The following NUBP1 variants were observed in gnomAD, a reference collection of about 807,000 sequenced individuals.
NUBP1 encodes the protein cytosolic Fe-S cluster assembly factor NUBP1.
Under a neutral mutation model 41.8 loss-of-function variants are expected in NUBP1, and 46 were observed. That is an observed-to-expected ratio of 1.10 (90% CI 0.87 to 1.41). The LOEUF is 1.41. Among genes scored for constraint, NUBP1 ranks in the 40% most tolerant of loss-of-function variants. NUBP1 has a pLI of 0.00. For missense variants in NUBP1, 494 were observed against 414.0 expected, an observed-to-expected ratio of 1.19 and a Z score of -1.68; for synonymous variants, 189 against 154.6, an observed-to-expected ratio of 1.22 and a Z score of -1.65.
Position 10,767,021 on chromosome 16 carries a change from T to C in NUBP1, c.821-928T>C, listed in dbSNP as rs1031404820. ...TTCTTCCCCGACTTGGACTTCCCTG[T>C]CCCACAGGGCGACACAGTAGTGAAG... On this transcript the variant is annotated intron_variant, in intron 9 of 10. Transcript: ENST00000283027. The surrounding 1 kb of genome is among the most constrained non-coding windows in gnomAD (Gnocchi z 4.6). 16 of 398,602 alleles carry C rather than the reference T, an allele frequency of 4.0e-5. No individual in the cohort carries two copies. Among genetic ancestry groups the C allele is most frequent in the Non-Finnish European group, 7.1e-5 (16 of 226,186 alleles). The allele number at this position is 398,602 out of a possible 1,614,324, so 24.7% of individuals were successfully genotyped here.
intron 5 of NUBP1, 29 bp from the exon 6 acceptor site, chr16:10,756,661 G>T (rs1384912738): frequency 1.3e-6 from 2 of 1,503,856 alleles, no homozygotes; most frequent in East Asian, 5.3e-5. Flanking sequence ...AGTAAAGCGT[G>T]TCTTGCCCTC....
At position 10,747,263 on chromosome 16, in the gene NUBP1, A is replaced by G. The variant is rs755859158; in HGVS notation, c.245A>G (p.Asp82Gly). ...SAHLAHGLAEDENTQIALLDI... is the reference protein window; with the variant it reads ...SAHLAHGLAEGENTQIALLDI... Reference sequence around the variant, plus strand: ...CACCTTGCCCATGGCCTAGCAGAGGATGAAAACACACAGGTGAGACCTCAG... The same window carrying G: ...CACCTTGCCCATGGCCTAGCAGAGGGTGAAAACACACAGGTGAGACCTCAG... Residue 82 changes from aspartate to glycine, a missense_variant, in exon 3 of 11, where the codon GAT (aspartate) becomes GGT (glycine). Coordinates refer to ENST00000283027, the MANE Select transcript of NUBP1 (RefSeq NM_002484.4). 6.2e-7 allele frequency: 1 copy of G among 1,613,812 alleles called. No individual in the cohort carries two copies. The highest frequency in any genetic ancestry group is 1.7e-5 in the Admixed American group (1 of 60,012).
rs867094906 is a variant in NUBP1, at chr16:10,759,776, A to G, written c.607-1588A>G. On this transcript the variant is annotated intron_variant, in intron 7 of 10. Transcript: ENST00000283027. The surrounding 1 kb of genome is among the most constrained non-coding windows in gnomAD (Gnocchi z 4.7). ...GGGCGACAGAGCAAGACTCTGTCTC[A>G]AAAAAAGAAAGAAAGAAATGAGAGA... Among the ~76,000 whole-genome samples the G allele has an allele frequency of 7.9e-5, 12 of 152,296 alleles. No individual in the cohort carries two copies. The highest frequency in any genetic ancestry group is 2.6e-4 in the Admixed American group (4 of 15,306).
rs2031165713 is a variant in NUBP1 at position 10,768,063 on chromosome 16, T to A, written c.904+31T>A. ...TATTTCCATGAGTACTAAATGCAGA[T>A]GCCTGTGGGGCAGGAAGCAACATAA... On this transcript the variant is annotated intron_variant, in intron 10 of 10. Transcript: ENST00000283027. This position sits in a 1 kb window ranked among gnomAD's most constrained non-coding sequence, Gnocchi z 4.3. 1 of 1,600,688 alleles carries A rather than the reference T, an allele frequency of 6.2e-7. No individual in the cohort carries two copies. Among genetic ancestry groups the A allele is most frequent in the Non-Finnish European group, 8.6e-7 (1 of 1,168,364 alleles).
intron 3 of NUBP1, 92 bp downstream of exon 3, chr16:10,747,368 T>A: frequency 6.5e-7 from 1 of 1,527,928 alleles, no homozygotes; most frequent in Non-Finnish European, 8.9e-7. Context: ...GCGCAGTGGT[T>A]CATGCCTGTA....
At chr16:10,758,131 G>C in intron 7 of NUBP1, 104 bp downstream of exon 7, 10 of 1,347,960 alleles carry the variant, frequency 7.4e-6, no homozygotes, top group Non-Finnish European at 1.0e-5. Flanking sequence ...GCTCTTCCCA[G>C]TGTGTGTTCC....
rs773516828 is a variant in NUBP1, at chr16:10,756,790, T to C, written c.451+10T>C. 2 of 1,590,516 alleles carry C rather than the reference T, an allele frequency of 1.3e-6. No homozygotes were observed. Among genetic ancestry groups the C allele is most frequent in the Non-Finnish European group, 1.7e-6 (2 of 1,170,768 alleles). ...GGACCCAAGAAAAACGGTTTGCCACTCTGCCTTTTTTTGTCTCTCACATTC... is the reference window on the plus strand; with the variant it reads ...GGACCCAAGAAAAACGGTTTGCCACCCTGCCTTTTTTTGTCTCTCACATTC... On this transcript the variant is annotated intron_variant, in intron 6 of 10. Coordinates refer to ENST00000283027, the MANE Select transcript of NUBP1 (RefSeq NM_002484.4).
rs370311145 is a variant in NUBP1 at position 10,754,182 on chromosome 16, C to T, written c.327+1504C>T. Among the ~76,000 whole-genome samples the T allele has an allele frequency of 3.9e-5, 6 of 152,056 alleles. No individual in the cohort carries two copies. The East Asian group carries it at 1.2e-3, about 29-fold the overall frequency. On this transcript the variant is annotated intron_variant, in intron 4 of 10. Transcript: ENST00000283027. ...TTTTAAGACAAATGGACTTAGCAAACGAGTGTAAATAGGAATGAATGGTTT... is the reference window on the plus strand; with the variant it reads ...TTTTAAGACAAATGGACTTAGCAAATGAGTGTAAATAGGAATGAATGGTTT...
At position 10,767,936 on chromosome 16, in the gene NUBP1, T is replaced by C. The variant is rs910554548; in HGVS notation, c.821-13T>C. 6.2e-6 allele frequency: 10 copies of C among 1,613,792 alleles called. No individual in the cohort carries two copies. Among genetic ancestry groups the C allele is most frequent in the Non-Finnish European group, 7.6e-6 (9 of 1,179,774 alleles). On this transcript the variant is annotated splice_polypyrimidine_tract_variant and intron_variant, in intron 9 of 10. Transcript: ENST00000283027. This position sits in a 1 kb window ranked among gnomAD's most constrained non-coding sequence, Gnocchi z 4.6. ...CTTGGACTGAATTGTCTTCCGTTTG[T>C]TTCTTTTTTAAGGTAAGAATTGTGA...
chr16:10,761,794 C>T lies in NUBP1; in HGVS notation c.755C>T (p.Ala252Val), dbSNP rs538843052. Residue 252 changes from alanine to valine, a missense_variant, in exon 9 of 11, where the codon GCG (alanine) becomes GTG (valine). By Grantham distance (64) the Ala-to-Val change is moderately conservative. Transcript: ENST00000283027. ...SQIFPPTTGGAELMCQDLEVP... is the reference protein window; with the variant it reads ...SQIFPPTTGGVELMCQDLEVP... ...ATATTCCCTCCCACAACCGGGGGCG[C>T]GGAGCTCATGTGCCAGGACTTGGAG... 53 of 1,614,044 alleles carry T rather than the reference C, an allele frequency of 3.3e-5. No individual in the cohort carries two copies. The highest frequency in any genetic ancestry group is 1.3e-4 in the East Asian group (6 of 44,862).
intron 2 of NUBP1, among the ~76,000 whole-genome samples, chr16:10,744,301 G>C (rs1259061024): frequency 6.6e-6 from 1 of 152,194 alleles, no homozygotes; most frequent in Non-Finnish European, 1.5e-5. Flanking sequence ...CGAAGGACCT[G>C]GCGCGGATGG....
At position 10,752,673 on chromosome 16, in the gene NUBP1, G is replaced by A. The variant is rs142788346; in HGVS notation, c.322G>A (p.Glu108Lys). 1 of 1,613,506 alleles carries A rather than the reference G, an allele frequency of 6.2e-7. No individual in the cohort carries two copies. The highest frequency in any genetic ancestry group is 8.5e-7 in the Non-Finnish European group (1 of 1,179,614). ...TCCCAAGATAATGGGATTGGAAGGA[G>A]AGCAGGTAATAGCCGGTTACAGAAC... ...SIPKIMGLEG[E>K]QVHQSGSGWS... Residue 108 changes from glutamate to lysine, a missense_variant, in exon 4 of 11, where the codon GAG becomes AAG. Coordinates refer to ENST00000283027, the MANE Select transcript of NUBP1 (RefSeq NM_002484.4).
Position 10,767,474 on chromosome 16 carries a change from G to C in NUBP1, c.821-475G>C, listed in dbSNP as rs796569010. 5.0e-6 allele frequency: 2 copies of C among 403,346 alleles called. No individual in the cohort carries two copies. The highest frequency in any genetic ancestry group is 1.2e-4 in the South Asian group (1 of 8,080). The allele number at this position is 403,346 out of a possible 1,614,324, so 25.0% of individuals were successfully genotyped here. A position where few individuals can be genotyped will look rare whatever the true frequency, so the allele number is the denominator to read the frequency against. On this transcript the variant is annotated intron_variant, in intron 9 of 10. Transcript: ENST00000283027. The surrounding 1 kb of genome is among the most constrained non-coding windows in gnomAD (Gnocchi z 4.6). The stretch of plus-strand genomic sequence containing the variant: ...GTATTTTAGGTATATGAGAGTGTGT[G>C]TATGTGTGTGCGCACACATGCAAGT...
chr16:10,755,207 G>A (rs139710430), intron 4 of NUBP1, among the ~76,000 whole-genome samples: 13 of 152,172 alleles, frequency 8.5e-5, no homozygotes, highest in African/African-American at 2.2e-4. Flanking sequence ...TTCAGTGTGC[G>A]CTTTGTGTGC....
At chr16:10,758,430 G>T (rs1157450302) in intron 7 of NUBP1, among the ~76,000 whole-genome samples, 2 of 152,174 alleles carry the variant, frequency 1.3e-5, no homozygotes, top group African/African-American at 4.8e-5. Flanking sequence ...CCATGATCAC[G>T]CCAGTGCAGT....
intron 9 of NUBP1, among the ~76,000 whole-genome samples, chr16:10,764,202 G>A (rs146329378): frequency 1.7e-4 from 24 of 144,958 alleles, no homozygotes; most frequent in Middle Eastern, 4.6e-3. Context: ...CCGAAGGAGC[G>A]TCTCAGCCCA....
chr16:10,747,210 C>A lies in NUBP1; in HGVS notation c.192C>A (p.Gly64=). 6.2e-7 allele frequency: 1 copy of A among 1,614,094 alleles called. No individual in the cohort carries two copies. The highest frequency in any genetic ancestry group is 8.5e-7 in the Non-Finnish European group (1 of 1,179,976). ...KHKILVLSGK[G]GVGKSTFSAH... ...AAATCTTGGTATTGTCTGGGAAAGG[C>A]GGTGTTGGGAAAAGCACATTCAGCG... The change falls in exon 3 of 11, where the codon GGC becomes GGA. Residue 64 remains glycine, a synonymous_variant. Coordinates refer to ENST00000283027, the MANE Select transcript of NUBP1 (RefSeq NM_002484.4).
chr16:10,755,512 C>G (rs752220700), intron 4 of NUBP1, among the ~76,000 whole-genome samples: 1 of 152,166 alleles, frequency 6.6e-6, no homozygotes. Context: ...TCCAAATAAC[C>G]CAGCTTAGGG....
At chr16:10,763,303 G>A (rs1038137786) in intron 9 of NUBP1, among the ~76,000 whole-genome samples, 8 of 152,160 alleles carry the variant, frequency 5.3e-5, no homozygotes, top group Non-Finnish European at 5.9e-5. Context: ...TGCAGAAAGC[G>A]GGAGCCAGGA....
Sources: gnomAD v4.1 joint callset for allele counts (sites outside exome capture counted in the v4.1 genomes callset) on GRCh38, gnomAD v4.1.1 for gene constraint, Gnocchi (gnomAD v3.1) non-coding constraint, MANE v1.5 for transcripts, NCBI Gene and HGNC (gene_info 2026-07-23, HGNC 2026-07-21) for gene names.